Variants in PAX3 observed in about 807,000 individuals in gnomAD.
PAX3 encodes paired box protein Pax-3.
In PAX3, 14 loss-of-function variants were observed where a neutral mutation model predicts 51.6. That is an observed-to-expected ratio of 0.27 (90% CI 0.18 to 0.42). The LOEUF is 0.42. PAX3 is among the 10% of genes least tolerant of loss of function. The pLI is 1.00. For missense variants in PAX3, 540 were observed against 642.8 expected (o/e 0.84, Z 1.73); for synonymous variants, 280 against 253.4 (o/e 1.11, Z -1.00).
intron 4 of PAX3, among the ~76,000 whole-genome samples, chr2:222,248,008 A>G (rs1043341186): frequency 1.3e-5 from 2 of 152,182 alleles, no homozygotes; most frequent in Non-Finnish European, 2.9e-5. Context: ...CAGAGCTTCA[A>G]AGATAATCAT....
intron 4 of PAX3, among the ~76,000 whole-genome samples, chr2:222,288,289 A>G (rs143294794): frequency 6.6e-6 from 1 of 152,262 alleles, no homozygotes; most frequent in Non-Finnish European, 1.5e-5. Flanking sequence ...TAGGACAAAC[A>G]TATCTTCATT....
intron 7 of PAX3, among the ~76,000 whole-genome samples, chr2:222,212,009 T>C (rs1367314836): frequency 6.6e-6 from 1 of 152,134 alleles, no homozygotes; most frequent in Non-Finnish European, 1.5e-5. Flanking sequence ...AAGCTTATAA[T>C]CAAAGGCAGT....
At chr2:222,290,410 G>C (rs760147470) in intron 4 of PAX3, among the ~76,000 whole-genome samples, 10 of 152,172 alleles carry the variant, frequency 6.6e-5, no homozygotes, top group Non-Finnish European at 1.0e-4. Flanking sequence ...AGATAGGAAA[G>C]GAATATAAGC....
chr2:222,248,074 A>G (rs1574687053), intron 4 of PAX3, among the ~76,000 whole-genome samples: 1 of 152,316 alleles, frequency 6.6e-6, no homozygotes, highest in South Asian at 2.1e-4. Flanking sequence ...ATTGCTTAGT[A>G]TTATTCACAA....
chr2:222,214,903 T>TG (rs1279602004), intron 7 of PAX3: 2 of 151,802 alleles, frequency 1.3e-5, no homozygotes, highest in African/African-American at 4.8e-5. Context: ...AAAACTTTTT[T>TG]TTTGTAATTT....
chr2:222,274,438 T>A (rs971562611), intron 4 of PAX3, among the ~76,000 whole-genome samples: 1 of 151,672 alleles, frequency 6.6e-6, no homozygotes, highest in Non-Finnish European at 1.5e-5. Context: ...TGGAAAATAG[T>A]AAATGTCTCA....
chr2:222,287,916 A>G lies in PAX3; in HGVS notation c.586+6251T>C, dbSNP rs563929053. On this transcript the variant is annotated intron_variant, in intron 4 of 8. Coordinates refer to ENST00000392070, the MANE Select transcript of PAX3 (RefSeq NM_181458.4). ...CTTTTTAGTACTGAAATGAGCACAA[A>G]GAAAGAGATTCGAAAACCCCACACA... Among the ~76,000 whole-genome samples the G allele has an allele frequency of 1.4e-4, 22 of 152,356 alleles. No individual in the cohort carries two copies. In the South Asian group the frequency reaches 4.6e-3, roughly 32 times the overall value.
intron 5 of PAX3, among the ~76,000 whole-genome samples, chr2:222,231,213 C>T (rs1365192528): frequency 6.6e-6 from 1 of 152,138 alleles, no homozygotes; most frequent in South Asian, 2.1e-4. Context: ...ACTGCTGAGT[C>T]CCCAGCCTGC....
intron 4 of PAX3, among the ~76,000 whole-genome samples, chr2:222,256,534 C>G: frequency 6.6e-6 from 1 of 152,058 alleles, no homozygotes; most frequent in African/African-American, 2.4e-5. Context: ...TCCTCCAAGT[C>G]CCTCGGCCCC....
intron 4 of PAX3, among the ~76,000 whole-genome samples, chr2:222,292,069 T>C (rs999557485): frequency 6.6e-6 from 1 of 151,526 alleles, no homozygotes; most frequent in East Asian, 1.9e-4. Context: ...ATTTTAAAAA[T>C]GTAGCAATTG....
At chr2:222,229,859 ATATC>A (rs1372751144) in intron 5 of PAX3, among the ~76,000 whole-genome samples, 1 of 152,166 alleles carries the variant, frequency 6.6e-6, no homozygotes, top group African/African-American at 2.4e-5. Flanking sequence ...GGTCCAGTGA[ATATC>A]TATCTAGCCC....
At chr2:222,232,393 T>A in intron 4 of PAX3, 110 bp from the exon 5 acceptor site, 1 of 861,426 alleles carries the variant, frequency 1.2e-6, no homozygotes, top group South Asian at 1.6e-5. Context: ...GTGATCCCTA[T>A]ACCTAAAGTA....
At chr2:222,205,750 G>A (rs1164752062) in intron 7 of PAX3, among the ~76,000 whole-genome samples, 1 of 152,082 alleles carries the variant, frequency 6.6e-6, no homozygotes, top group Non-Finnish European at 1.5e-5. Context: ...GACATCAATA[G>A]AAAATGCATT....
At chr2:222,201,848 G>A (rs1691304585) in intron 8 of PAX3, 96 bp downstream of exon 8, 1 of 1,609,488 alleles carries the variant, frequency 6.2e-7, no homozygotes, top group Non-Finnish European at 8.5e-7. Context: ...ACCGGCATGT[G>A]TGGCTTAATC....
chr2:222,275,439 C>CA (rs11345696), intron 4 of PAX3, among the ~76,000 whole-genome samples: 4,662 of 148,162 alleles, frequency 0.031, 219 homozygotes, highest in African/African-American at 0.1. Context: ...TTGTCTAGAA[C>CA]AAAAAAAAAA....
chr2:222,288,779 A>G (rs1196186146), intron 4 of PAX3, among the ~76,000 whole-genome samples: 1 of 152,244 alleles, frequency 6.6e-6, no homozygotes, highest in Non-Finnish European at 1.5e-5. Flanking sequence ...ACAACATGTA[A>G]CTGGTTTCAG....
intron 4 of PAX3, among the ~76,000 whole-genome samples, chr2:222,266,945 A>G (rs1694075308): frequency 6.6e-6 from 1 of 152,362 alleles, no homozygotes; most frequent in African/African-American, 2.4e-5. Context: ...TACAAGTGCA[A>G]TAACTGTAAG....
chr2:222,295,086 A>G (rs969449741), intron 3 of PAX3, among the ~76,000 whole-genome samples: 13 of 150,462 alleles, frequency 8.6e-5, no homozygotes, highest in African/African-American at 2.9e-4. Flanking sequence ...GGGGCTCCGG[A>G]CCGTCCCTGA....
chr2:222,208,625 T>C (rs1691602837), intron 7 of PAX3, among the ~76,000 whole-genome samples: 1 of 152,134 alleles, frequency 6.6e-6, no homozygotes. Flanking sequence ...ACTCTTCTCA[T>C]TTCAGGAAAT....
Sources: allele counts gnomAD v4.1 joint callset (sites outside exome capture counted in the v4.1 genomes callset), GRCh38; gene constraint gnomAD v4.1.1; transcripts MANE v1.5; gene names NCBI Gene and HGNC (gene_info 2026-07-23, HGNC 2026-07-21).